PDE1C: variants seen among roughly 807,000 people sequenced by gnomAD.
PDE1C encodes the protein dual specificity calcium/calmodulin-dependent 3',5'-cyclic nucleotide phosphodiesterase 1C.
Under a neutral mutation model 93.1 loss-of-function variants are expected in PDE1C, and 62 were observed. That is an observed-to-expected ratio of 0.67 (90% CI 0.54 to 0.82). The LOEUF (loss-of-function observed/expected upper bound fraction) is 0.82, where lower values mean the gene tolerates loss of function less well. Among genes scored for constraint, PDE1C ranks in the 40% least tolerant of loss-of-function variants. The pLI, the probability that PDE1C is intolerant of heterozygous loss-of-function variation, is 0.00. For synonymous variants in PDE1C, 325 were observed against 310.1 expected, an observed-to-expected ratio of 1.05 and a Z score of -0.50; for missense variants, 742 against 884.6, an observed-to-expected ratio of 0.84 and a Z score of 2.04.
intron 1 of PDE1C, among the ~76,000 whole-genome samples, chr7:32,262,915 G>A (rs1474335165): frequency 2.0e-5 from 3 of 152,160 alleles, no homozygotes; most frequent in Non-Finnish European, 4.4e-5. Flanking sequence ...TCCCACTTTA[G>A]TCCTCACTTA....
At chr7:31,791,682 T>C (rs981827285) in intron 16 of PDE1C, among the ~76,000 whole-genome samples, 15 of 151,998 alleles carry the variant, frequency 9.9e-5, no homozygotes, top group Non-Finnish European at 1.3e-4. Flanking sequence ...AACAGACCCA[T>C]TGGTTGGAAG....
intron 2 of PDE1C, among the ~76,000 whole-genome samples, chr7:31,965,923 C>T (rs1447271723): frequency 6.6e-6 from 1 of 152,108 alleles, no homozygotes; most frequent in African/African-American, 2.4e-5. Flanking sequence ...GATTTGGTCA[C>T]CACCAGGCCT....
At chr7:32,115,586 T>A (rs543131598) in intron 3 of PDE1C, among the ~76,000 whole-genome samples, 97 of 152,254 alleles carry the variant, frequency 6.4e-4, no homozygotes, top group Non-Finnish European at 1.1e-3. Context: ...TATACCTATA[T>A]AACAAACCTG....
chr7:32,021,038 G>A (rs1056255639), intron 2 of PDE1C, among the ~76,000 whole-genome samples: 2 of 152,078 alleles, frequency 1.3e-5, no homozygotes, highest in Non-Finnish European at 2.9e-5. Flanking sequence ...GTGACTTTTA[G>A]AAAGAGCTCC....
At chr7:31,760,513 G>T (rs1794764092) in intron 17 of PDE1C, among the ~76,000 whole-genome samples, 1 of 152,058 alleles carries the variant, frequency 6.6e-6, no homozygotes. Context: ...GTGACCTTTG[G>T]AACCCCACAC....
chr7:31,872,715 C>G (rs1796093529), intron 6 of PDE1C, among the ~76,000 whole-genome samples: 1 of 152,082 alleles, frequency 6.6e-6, no homozygotes, highest in African/African-American at 2.4e-5. Flanking sequence ...GAGGATCTGA[C>G]CCCACCTCGA....
intron 2 of PDE1C, among the ~76,000 whole-genome samples, chr7:32,170,300 T>C (rs1802560844): frequency 6.6e-6 from 1 of 152,066 alleles, no homozygotes; most frequent in Non-Finnish European, 1.5e-5. Flanking sequence ...ACTGTGAGGA[T>C]GTTCAAATAC....
chr7:32,385,562 G>T (rs1161904347), intron 1 of PDE1C, among the ~76,000 whole-genome samples: 2 of 152,132 alleles, frequency 1.3e-5, no homozygotes, highest in African/African-American at 4.8e-5. Context: ...TCTCACAGAA[G>T]CTGGTAGGAA....
intron 1 of PDE1C, among the ~76,000 whole-genome samples, chr7:32,260,539 T>C (rs1286097306): frequency 6.6e-6 from 1 of 152,270 alleles, no homozygotes; most frequent in South Asian, 2.1e-4. Flanking sequence ...CTGTGGGTTT[T>C]CTCTGTGGAG....
chr7:32,016,604 A>G (rs1055264915), intron 2 of PDE1C, among the ~76,000 whole-genome samples: 1 of 152,176 alleles, frequency 6.6e-6, no homozygotes, highest in African/African-American at 2.4e-5. Flanking sequence ...CTCAGAAGCA[A>G]CCTGACTGCC....
At chr7:32,091,032 T>C (rs1563304648) in intron 3 of PDE1C, among the ~76,000 whole-genome samples, 1 of 152,270 alleles carries the variant, frequency 6.6e-6, no homozygotes. Context: ...AGGCATGTTA[T>C]ATGTGTTCTT....
intron 2 of PDE1C, among the ~76,000 whole-genome samples, chr7:32,203,748 C>T (rs11765220): frequency 0.52 from 79,638 of 152,014 alleles, 21,072 homozygotes; most frequent in Non-Finnish European, 0.57. Flanking sequence ...TCATGTCTAC[C>T]CTCCGCAAAT....
chr7:32,421,490 C>A (rs1221695177), intron 1 of PDE1C, among the ~76,000 whole-genome samples: 2 of 152,168 alleles, frequency 1.3e-5, no homozygotes, highest in Non-Finnish European at 2.9e-5. Flanking sequence ...GCATAAATTG[C>A]CTTATTTAGG....
At chr7:31,650,195 T>A in the PDE1C span, among the ~76,000 whole-genome samples, 2 of 152,232 alleles carry the variant, frequency 1.3e-5, no homozygotes, top group Non-Finnish European at 2.9e-5. Context: ...TTTACAATTA[T>A]AATCAACATT....
intron 6 of PDE1C, among the ~76,000 whole-genome samples, chr7:31,867,153 C>A (rs1795403920): frequency 6.6e-6 from 1 of 152,044 alleles, no homozygotes; most frequent in African/African-American, 2.4e-5. Flanking sequence ...GAAGTATGAA[C>A]CATCAGCAAA....
intron 2 of PDE1C, among the ~76,000 whole-genome samples, chr7:32,208,718 C>T (rs906125973): frequency 1.3e-5 from 2 of 150,030 alleles, no homozygotes; most frequent in South Asian, 2.1e-4. Context: ...ATTTTCCCCC[C>T]CCTTCTTTGG....
At chr7:32,329,608 A>G (rs1783472792) in intron 1 of PDE1C, among the ~76,000 whole-genome samples, 1 of 152,210 alleles carries the variant, frequency 6.6e-6, no homozygotes, top group Non-Finnish European at 1.5e-5. Context: ...ATTTTTCCTG[A>G]TAATAATGCT....
intron 2 of PDE1C, among the ~76,000 whole-genome samples, chr7:32,202,312 A>C (rs1249201844): frequency 6.6e-6 from 1 of 152,176 alleles, no homozygotes; most frequent in Non-Finnish European, 1.5e-5. Flanking sequence ...AGTGAGTCTC[A>C]GTGTCCTGCC....
At chr7:32,015,634 TA>T (rs1458231668) in intron 2 of PDE1C, among the ~76,000 whole-genome samples, 1 of 152,092 alleles carries the variant, frequency 6.6e-6, no homozygotes, top group Non-Finnish European at 1.5e-5. Context: ...AAAAGATGTA[TA>T]TTTTTTGCTG....
Sources: allele counts gnomAD v4.1 joint callset (sites outside exome capture counted in the v4.1 genomes callset), GRCh38; gene constraint gnomAD v4.1.1; transcripts MANE v1.5; gene names NCBI Gene and HGNC (gene_info 2026-07-23, HGNC 2026-07-21).